TPCN2: variants seen among roughly 807,000 people sequenced by gnomAD.
TPCN2 encodes two pore channel protein 2.
Under a neutral mutation model 111.4 loss-of-function variants are expected in TPCN2, and 92 were observed. That is an observed-to-expected ratio of 0.83 (90% CI 0.70 to 0.98). TPCN2 has a LOEUF of 0.98. Among genes scored for constraint, TPCN2 ranks in the 50% least tolerant of loss-of-function variants. The pLI, the probability that TPCN2 is intolerant of heterozygous loss-of-function variation, is 0.00. For missense variants in TPCN2, 995 were observed against 980.1 expected (o/e 1.02, Z -0.20); for synonymous variants, 405 against 414.5 (o/e 0.98, Z 0.28).
At position 69,058,742 on chromosome 11, in the gene TPCN2, C is replaced by G. The variant is rs1854885711; in HGVS notation, c.546+1048C>G. On this transcript the variant is annotated intron_variant, in intron 5 of 24. Transcript: ENST00000294309. Reference sequence around the variant, plus strand: ...GCTGCGGGGCCTCCGTGGCCACCTCCTTCCTGTCTCCCTGACTCGGCAGCT... The same window carrying G: ...GCTGCGGGGCCTCCGTGGCCACCTCGTTCCTGTCTCCCTGACTCGGCAGCT... Among the ~76,000 whole-genome samples, 3 of 152,220 alleles carry G rather than the reference C, an allele frequency of 2.0e-5. No homozygotes were observed. The South Asian group carries it at 6.2e-4, about 32-fold the overall frequency.
intron 13 of TPCN2, among the ~76,000 whole-genome samples, chr11:69,073,610 C>T (rs1267111268): frequency 6.6e-6 from 1 of 152,250 alleles, no homozygotes; most frequent in Non-Finnish European, 1.5e-5. Flanking sequence ...GGGACGGCAC[C>T]ACAGACTGGG....
At chr11:69,076,905 T>C (rs375970210) in intron 13 of TPCN2, among the ~76,000 whole-genome samples, 8 of 96,964 alleles carry the variant, frequency 8.3e-5, no homozygotes, top group East Asian at 1.3e-3. Flanking sequence ...TCCTGCCATG[T>C]CCCTCCACTT....
rs200218534 is a variant in TPCN2 at position 69,067,588 on chromosome 11, C to A, written c.812C>A (p.Thr271Lys). Reference protein sequence around the residue: ...SLTSLLVLLTTANNPDVMIPA... With the variant: ...SLTSLLVLLTKANNPDVMIPA... ...ACTTCCCTCCTGGTGCTGCTGACCA[C>A]GGCCAACAACCCCGATGGTGCGTGC... The change falls in exon 8 of 25, where the codon ACG becomes AAG. Residue 271 changes from threonine to lysine, a missense_variant. Coordinates refer to ENST00000294309, the MANE Select transcript of TPCN2 (RefSeq NM_139075.4). The A allele has an allele frequency of 1.2e-6, 2 of 1,613,906 alleles. No homozygotes were observed.
At chr11:69,078,405 G>C in intron 13 of TPCN2, 77 bp from the exon 14 acceptor site, 1 of 1,580,392 alleles carries the variant, frequency 6.3e-7, no homozygotes, top group African/African-American at 1.3e-5. Context: ...CCCAGAATAA[G>C]AGGGTGTGAG....
Position 69,067,741 on chromosome 11 carries a change from A to AT in TPCN2, c.829+140dup, listed in dbSNP as rs1266623130. 5.0e-5 allele frequency: 32 copies of AT among 645,176 alleles called. 1 individual carries two copies. The East Asian group carries it at 8.9e-4, about 18-fold the overall frequency. The allele number at this position is 645,176 out of a possible 1,614,324, so 40.0% of individuals were successfully genotyped here. ...CGATAAGTGGAGAAGAAAGGGTGAC[A>AT]TTTTCCTTCCTCCCCTTCTTTTCCT... On this transcript the variant is annotated intron_variant, in intron 8 of 24. Coordinates refer to ENST00000294309, the MANE Select transcript of TPCN2 (RefSeq NM_139075.4).
Position 69,058,522 on chromosome 11 carries a change from C to T in TPCN2, c.546+828C>T, listed in dbSNP as rs999602443. Among the ~76,000 whole-genome samples the T allele has an allele frequency of 2.3e-3, 95 of 41,338 alleles. No individual in the cohort carries two copies. The Non-Finnish European group carries it at 0.053, about 23-fold the overall frequency. 27.1% of individuals were successfully genotyped at this position (41,338 alleles called of 152,430 possible). The stretch of plus-strand genomic sequence containing the variant: ...TCAATGAGGTTGGTCCCAGCAGTGC[C>T]GATGTGGGGGCTGGAAGCTCCAGGT... On this transcript the variant is annotated intron_variant, in intron 5 of 24. Transcript: ENST00000294309.
intron 5 of TPCN2, among the ~76,000 whole-genome samples, chr11:69,058,462 G>A (rs867372969): frequency 2.0e-5 from 3 of 152,172 alleles, no homozygotes; most frequent in South Asian, 2.1e-4. Flanking sequence ...CTGGGAGGGG[G>A]TGCTGTCTGG....
At chr11:69,054,859 C>T (rs899340416) in intron 3 of TPCN2, 62 bp downstream of exon 3, 2 of 1,539,922 alleles carry the variant, frequency 1.3e-6, no homozygotes, top group African/African-American at 1.4e-5. Flanking sequence ...GGGAGGCTGG[C>T]CCCCACCTGG....
intron 10 of TPCN2, 138 bp from the exon 11 acceptor site, chr11:69,071,785 C>T (rs1227135744): frequency 1.4e-6 from 1 of 736,546 alleles, no homozygotes; most frequent in Non-Finnish European, 2.3e-6. Flanking sequence ...GAGGGGCTGC[C>T]CCCAGGCTGT....
At chr11:69,085,129 C>A in intron 19 of TPCN2, 81 bp from the exon 20 acceptor site, 1 of 1,311,858 alleles carries the variant, frequency 7.6e-7, no homozygotes, top group Non-Finnish European at 1.1e-6. Context: ...CATCCTCTGG[C>A]TTTGCGGTTC....
intron 5 of TPCN2, among the ~76,000 whole-genome samples, chr11:69,059,154 C>T (rs1854908795): frequency 6.6e-6 from 1 of 152,176 alleles, no homozygotes; most frequent in African/African-American, 2.4e-5. Context: ...GGCCCGAGTC[C>T]TTGGTGGTCC....
rs775394380 is a variant in TPCN2, at chr11:69,078,504, A to C, written c.1253A>C (p.Gln418Pro). 1.1e-5 allele frequency: 17 copies of C among 1,613,984 alleles called. No individual in the cohort carries two copies. Among genetic ancestry groups the C allele is most frequent in the Non-Finnish European group, 1.4e-5 (16 of 1,180,028 alleles). The change falls in exon 14 of 25, where the codon CAG becomes CCG. Residue 418 changes from glutamine (Q) to proline (P), a missense_variant. Transcript: ENST00000294309. ...VKEHPPRPEY[Q>P]SPFLQSAQFL... Reference sequence around the variant, plus strand: ...CAGCACCCGCCGAGGCCCGAGTACCAGTCTCCGTTTCTGCAGAGCGCCCAG... The same window carrying C: ...CAGCACCCGCCGAGGCCCGAGTACCCGTCTCCGTTTCTGCAGAGCGCCCAG...
intron 16 of TPCN2, 128 bp downstream of exon 16, chr11:69,079,148 AGTGG>A: frequency 7.9e-7 from 1 of 1,269,814 alleles, no homozygotes; most frequent in Non-Finnish European, 1.1e-6. Context: ...TTCTGCTCTC[AGTGG>A]TGAGGGCTGG....
intron 16 of TPCN2, 107 bp from the exon 17 acceptor site, chr11:69,079,726 GC>G: frequency 9.7e-7 from 1 of 1,030,048 alleles, no homozygotes; most frequent in South Asian, 1.6e-5. Flanking sequence ...CTCCCCAAAA[GC>G]CCCTTTTGGG....
At chr11:69,070,014 TTTTC>T (rs942939378) in intron 8 of TPCN2, among the ~76,000 whole-genome samples, 9 of 145,710 alleles carry the variant, frequency 6.2e-5, no homozygotes, top group Admixed American at 2.8e-4. Context: ...TTCTTTCTTT[TTTTC>T]TTTCTTTCTT....
At chr11:69,054,657 G>A (rs1854669280) in intron 2 of TPCN2, 64 bp from the exon 3 acceptor site, 3 of 1,480,030 alleles carry the variant, frequency 2.0e-6, no homozygotes, top group Non-Finnish European at 1.9e-6. Context: ...TGTGGTGTGG[G>A]GCTCGGGTCA....
intron 21 of TPCN2, 46 bp from the exon 22 acceptor site, chr11:69,085,802 C>T (rs756453360): frequency 6.2e-7 from 1 of 1,612,948 alleles, no homozygotes; most frequent in African/African-American, 1.3e-5. Context: ...CTCCTCCCCT[C>T]CCTACCTCCT....
intron 13 of TPCN2, among the ~76,000 whole-genome samples, chr11:69,075,229 T>C (rs2134601064): frequency 6.6e-6 from 1 of 152,294 alleles, no homozygotes; most frequent in East Asian, 1.9e-4. Context: ...GACTCCTTCT[T>C]TCCTCAATAA....
chr11:69,060,881 G>T (rs1382547946), intron 5 of TPCN2, among the ~76,000 whole-genome samples: 3 of 152,336 alleles, frequency 2.0e-5, no homozygotes, highest in Non-Finnish European at 4.4e-5. Flanking sequence ...TGAGCTGGGC[G>T]CACAGGGCAG....
Sources: allele counts gnomAD v4.1 joint callset (sites outside exome capture counted in the v4.1 genomes callset), GRCh38; gene constraint gnomAD v4.1.1; transcripts MANE v1.5; gene names NCBI Gene and HGNC (gene_info 2026-07-23, HGNC 2026-07-21).